Variants in PPP1R1C observed in about 807,000 individuals in gnomAD.
PPP1R1C encodes protein phosphatase 1 regulatory subunit 1C.
In PPP1R1C, 15 loss-of-function variants were observed where a neutral mutation model predicts 17.4. The ratio of observed to expected loss-of-function variants is 0.86; its 90% confidence interval spans 0.58 to 1.33. The LOEUF (loss-of-function observed/expected upper bound fraction) is 1.33, where lower values mean the gene tolerates loss of function less well. Among genes scored for constraint, PPP1R1C ranks in the 40% most tolerant of loss-of-function variants. The probability of loss-of-function intolerance (pLI) is 0.00; values close to 1 mark genes in which losing one functional copy is unlikely to be tolerated. For synonymous variants in PPP1R1C, 35 were observed against 43.1 expected (o/e 0.81, Z 0.73); for missense variants, 143 against 130.0 (o/e 1.10, Z -0.48).
chr2:182,088,085 T>A (rs1236326218), intron 4 of PPP1R1C, among the ~76,000 whole-genome samples: 1 of 152,154 alleles, frequency 6.6e-6, no homozygotes, highest in Non-Finnish European at 1.5e-5. Context: ...TTTTTTTTTT[T>A]AACTTTCATG....
chr2:182,019,000 T>C (rs1686339123), intron 2 of PPP1R1C, among the ~76,000 whole-genome samples: 1 of 152,116 alleles, frequency 6.6e-6, no homozygotes, highest in Non-Finnish European at 1.5e-5. Context: ...GAAAGTATAG[T>C]GAACATATAT....
intron 2 of PPP1R1C, among the ~76,000 whole-genome samples, chr2:182,027,793 T>C (rs1473070433): frequency 6.7e-6 from 1 of 149,572 alleles, no homozygotes; most frequent in Non-Finnish European, 1.5e-5. Flanking sequence ...ATGGTACCAG[T>C]TCCTCCTTGT....
rs141009893 is a variant in PPP1R1C at position 181,991,862 on chromosome 2, G to T, written c.142+3963G>T. Reference sequence around the variant, plus strand: ...GTATAATCTGTAGTGAACTGGTTTGGTTCCTATATATTTTTTTTTATCTAG... The same window carrying T: ...GTATAATCTGTAGTGAACTGGTTTGTTTCCTATATATTTTTTTTTATCTAG... On this transcript the variant is annotated intron_variant, in intron 2 of 4. Coordinates refer to ENST00000682840, the MANE Select transcript of PPP1R1C (RefSeq NM_001080545.3). Among the ~76,000 whole-genome samples, 283 of 152,100 alleles carry T rather than the reference G, an allele frequency of 1.9e-3. 2 individuals are homozygous for T. Among genetic ancestry groups the T allele is most frequent in the East Asian group, 4.4e-3 (23 of 5,184 alleles).
At chr2:182,013,543 C>T (rs1686153558) in intron 2 of PPP1R1C, among the ~76,000 whole-genome samples, 1 of 152,014 alleles carries the variant, frequency 6.6e-6, no homozygotes, top group Non-Finnish European at 1.5e-5. Context: ...GTTCTATACC[C>T]TCCCTATAAT....
intron 2 of PPP1R1C, among the ~76,000 whole-genome samples, chr2:182,059,506 G>T (rs1027832953): frequency 2.6e-5 from 4 of 152,026 alleles, no homozygotes; most frequent in African/African-American, 9.7e-5. Context: ...AAAAAAAGGA[G>T]ACATTATTAA....
intron 1 of PPP1R1C, among the ~76,000 whole-genome samples, chr2:181,969,028 G>A (rs9752497): frequency 2.6e-5 from 4 of 151,914 alleles, no homozygotes; most frequent in Non-Finnish European, 4.4e-5. Flanking sequence ...TTAACTTTCT[G>A]TTATTTCTAT....
intron 2 of PPP1R1C, among the ~76,000 whole-genome samples, chr2:181,998,207 A>C (rs545552678): frequency 6.6e-6 from 1 of 152,316 alleles, no homozygotes; most frequent in South Asian, 2.1e-4. Context: ...GATCCTGGTA[A>C]CACTGGCATT....
At position 182,091,284 on chromosome 2, in the gene PPP1R1C, C is replaced by T. The variant is rs544867214; in HGVS notation, c.242-25923C>T. ...TATTCAGGAAAAAGTGAATACTTAA[C>T]AGTGGCAAAGACTGAAATATGATGA... On this transcript the variant is annotated intron_variant, in intron 4 of 4. Coordinates refer to ENST00000682840, the MANE Select transcript of PPP1R1C (RefSeq NM_001080545.3). Among the ~76,000 whole-genome samples the T allele has an allele frequency of 3.7e-4, 57 of 152,170 alleles. 1 individual carries two copies. Among genetic ancestry groups the T allele is most frequent in the African/African-American group, 1.3e-3 (53 of 41,530 alleles).
intron 4 of PPP1R1C, among the ~76,000 whole-genome samples, chr2:182,098,215 G>GA (rs960651111): frequency 2.0e-5 from 3 of 150,998 alleles, no homozygotes; most frequent in African/African-American, 4.9e-5. Flanking sequence ...CAGCAGCCTA[G>GA]AAAAAAAAAT....
chr2:182,100,925 C>T (rs559244185), intron 4 of PPP1R1C, among the ~76,000 whole-genome samples: 1 of 152,276 alleles, frequency 6.6e-6, no homozygotes, highest in African/African-American at 2.4e-5. Flanking sequence ...AAGAAGCAGG[C>T]AGGGCTGATT....
At chr2:182,106,453 G>T (rs1310122219) in intron 4 of PPP1R1C, among the ~76,000 whole-genome samples, 1 of 152,198 alleles carries the variant, frequency 6.6e-6, no homozygotes, top group Non-Finnish European at 1.5e-5. Flanking sequence ...GGGGAATTTG[G>T]TTGAGGGTGG....
At chr2:182,010,272 T>C (rs1445551322) in intron 2 of PPP1R1C, among the ~76,000 whole-genome samples, 1 of 152,034 alleles carries the variant, frequency 6.6e-6, no homozygotes, top group Non-Finnish European at 1.5e-5. Context: ...TATTTTTGCA[T>C]TTTTTTGTGT....
chr2:181,998,827 A>T (rs1157310565), intron 2 of PPP1R1C, among the ~76,000 whole-genome samples: 1 of 152,228 alleles, frequency 6.6e-6, no homozygotes, highest in East Asian at 1.9e-4. Context: ...TTTCTTCGTG[A>T]ATTTTAAGCA....
At chr2:181,965,417 T>C (rs376423306) in intron 1 of PPP1R1C, among the ~76,000 whole-genome samples, 1 of 152,226 alleles carries the variant, frequency 6.6e-6, no homozygotes, top group Non-Finnish European at 1.5e-5. Context: ...CTTTTAATGG[T>C]TTCATAGTTT....
rs559481770 is a variant in PPP1R1C at position 181,979,652 on chromosome 2, T to C, written n.157+4388T>C. Among the ~76,000 whole-genome samples, 104 of 152,248 alleles carry C rather than the reference T, an allele frequency of 6.8e-4. 1 individual carries two copies. The highest frequency in any genetic ancestry group is 2.5e-3 in the African/African-American group (103 of 41,554). ...CGGGGTATCTACTTTTGCAAAGAAA[T>C]GTGCATGGCATGCAATGTTGTCATT... On this transcript the variant is annotated intron_variant and non_coding_transcript_variant, in intron 2 of 5. Transcript: ENST00000464264.
chr2:182,074,602 C>A (rs968186043), intron 4 of PPP1R1C, among the ~76,000 whole-genome samples: 5 of 152,114 alleles, frequency 3.3e-5, no homozygotes, highest in Non-Finnish European at 5.9e-5. Context: ...CTTAGTGGGG[C>A]AAACTTAAGA....
chr2:182,112,046 T>A (rs974268557), intron 4 of PPP1R1C, among the ~76,000 whole-genome samples: 1 of 152,224 alleles, frequency 6.6e-6, no homozygotes, highest in African/African-American at 2.4e-5. Flanking sequence ...ATTTTCCTAA[T>A]GCACCATTTG....
chr2:182,115,339 T>C (rs1689552593), intron 4 of PPP1R1C, among the ~76,000 whole-genome samples: 1 of 152,204 alleles, frequency 6.6e-6, no homozygotes, highest in Non-Finnish European at 1.5e-5. Context: ...AATGGAACTT[T>C]ATGACTTACT....
At chr2:182,125,620 C>G (rs915273836) in intron 5 of PPP1R1C, among the ~76,000 whole-genome samples, 3 of 152,024 alleles carry the variant, frequency 2.0e-5, no homozygotes, top group African/African-American at 7.2e-5. Context: ...CTAGTTTAGT[C>G]TTGGGAGAGT....
Sources: allele counts gnomAD v4.1 joint callset (sites outside exome capture counted in the v4.1 genomes callset), GRCh38; gene constraint gnomAD v4.1.1; transcripts MANE v1.5; gene names NCBI Gene and HGNC (gene_info 2026-07-23, HGNC 2026-07-21).